Variants in ARL10 observed in about 807,000 individuals in gnomAD.
ARL10 encodes ADP-ribosylation factor-like protein 10.
In ARL10, 23 loss-of-function variants were observed where a neutral mutation model predicts 26.1. The observed-to-expected ratio is 0.88, with a 90% CI of 0.63 to 1.25. The LOEUF is 1.25. Among genes scored for constraint, ARL10 ranks in the 50% most tolerant of loss-of-function variants. The pLI, the probability that ARL10 is intolerant of heterozygous loss-of-function variation, is 0.00. For synonymous variants in ARL10, 138 were observed against 149.1 expected (o/e 0.93, Z 0.54); for missense variants, 300 against 323.6 (o/e 0.93, Z 0.56).
At chr5:176,371,264 A>G (rs922207084) in intron 3 of ARL10, among the ~76,000 whole-genome samples, 2 of 152,192 alleles carry the variant, frequency 1.3e-5, no homozygotes, top group Non-Finnish European at 1.5e-5. Context: ...AGTCCCAGCT[A>G]CTAGGGAGGC....
intron 1 of ARL10, among the ~76,000 whole-genome samples, chr5:176,394,519 A>C (rs904166642): frequency 1.3e-4 from 19 of 151,768 alleles, no homozygotes; most frequent in African/African-American, 3.9e-4. Context: ...TAAAAATACA[A>C]AAAATTAGCT....
intron 1 of ARL10, among the ~76,000 whole-genome samples, chr5:176,394,968 G>A (rs142611499): frequency 6.6e-6 from 1 of 152,090 alleles, no homozygotes; most frequent in Non-Finnish European, 1.5e-5. Context: ...CCCATCCCTT[G>A]CTGGAAGCCT....
chr5:176,386,341 T>C (rs1452549066), downstream of ARL10: 2 of 199,362 alleles, frequency 1.0e-5, no homozygotes, highest in East Asian at 1.2e-4. Flanking sequence ...CCTTTATCTT[T>C]AGGGGAGCTG....
Position 176,388,636 on chromosome 5 carries a change from G to A in ARL10, c.*138G>A, listed in dbSNP as rs1039769207. Reference sequence around the variant, plus strand: ...CCGGAAGGCGTGCACAAGGCTTTGCGGGCATTTGGGGAAATGTAGTCCTTT... The same window carrying A: ...CCGGAAGGCGTGCACAAGGCTTTGCAGGCATTTGGGGAAATGTAGTCCTTT... On this transcript the variant is annotated 3_prime_UTR_variant, in exon 2 of 2. Coordinates refer to the ARL10 transcript ENST00000503175. 12 of 1,354,928 alleles carry A rather than the reference G, an allele frequency of 8.9e-6. No individual in the cohort carries two copies. In the East Asian group the frequency reaches 1.6e-4, roughly 18 times the overall value. The allele number at this position is 1,354,928 out of a possible 1,614,324, so 83.9% of individuals were successfully genotyped here.
At chr5:176,397,806 C>T in intron 1 of ARL10, 1 of 1,501,712 alleles carries the variant, frequency 6.7e-7, no homozygotes, top group Non-Finnish European at 9.3e-7. Context: ...TGCCAGGCAG[C>T]CACAGGGCCG....
At chr5:176,382,812 G>T (rs1055558112), downstream of ARL10, among the ~76,000 whole-genome samples, 4 of 152,158 alleles carry the variant, frequency 2.6e-5, no homozygotes, top group African/African-American at 9.7e-5. Flanking sequence ...GGTAGGGAAG[G>T]CTTCCTAAAG....
downstream of ARL10, chr5:176,386,493 C>A: frequency 2.7e-6 from 1 of 373,166 alleles, no homozygotes. Context: ...GTCATTGGAA[C>A]ATTTATTGAG....
downstream of ARL10, among the ~76,000 whole-genome samples, chr5:176,382,613 C>A (rs1222907138): frequency 6.6e-6 from 1 of 152,200 alleles, no homozygotes; most frequent in Non-Finnish European, 1.5e-5. Context: ...CTATTACCAT[C>A]CCTCTGAAGA....
downstream of ARL10, chr5:176,392,959 T>A (rs1300998129): frequency 3.1e-6 from 5 of 1,613,866 alleles, no homozygotes; most frequent in Non-Finnish European, 4.2e-6. The surrounding 1 kb of genome is among the most constrained non-coding windows in gnomAD (Gnocchi z 5.2). Context: ...CGGGTGGAGA[T>A]AGGACGGGCT....
downstream of ARL10, chr5:176,381,927 A>G (rs1423411803): frequency 6.6e-6 from 1 of 152,222 alleles, no homozygotes; most frequent in Admixed American, 6.5e-5. Context: ...TGCTTTTATC[A>G]AGACCACTCT....
At chr5:176,388,165 C>G (rs1756038537) in intron 1 of ARL10, 1 of 1,201,328 alleles carries the variant, frequency 8.3e-7, no homozygotes, top group African/African-American at 1.5e-5. Context: ...GTACCACGTT[C>G]TGACACCTAG....
chr5:176,398,514 C>T (rs889352834), intron 1 of ARL10, among the ~76,000 whole-genome samples: 3 of 152,006 alleles, frequency 2.0e-5, no homozygotes, highest in African/African-American at 7.2e-5. Flanking sequence ...AGTTCAAGAC[C>T]AGCCTGACCA....
downstream of ARL10, chr5:176,384,489 C>T (rs572437865): frequency 1.6e-4 from 165 of 1,053,186 alleles, 3 homozygotes; most frequent in Middle Eastern, 2.0e-3. Flanking sequence ...GAATCCTGAC[C>T]TCAAAGGCTG....
rs770872981 is a variant in ARL10 at position 176,368,971 on chromosome 5, G to A, written c.550G>A (p.Ala184Thr). Residue 184 changes from alanine to threonine, a missense_variant, in exon 3 of 4, where the codon GCC becomes ACC. Ala to Thr is a moderately conservative substitution (Grantham distance 58). Transcript: ENST00000310389. The surrounding 1 kb of genome is among the most constrained non-coding windows in gnomAD (Gnocchi z 4.1). The part of the protein sequence containing the change: ...KDPDLPVVVV[A>T]NKQDLSEAMS... ...CCCTGACCTGCCTGTCGTCGTGGTG[G>A]CCAACAAGCAGGTGAGGGCTGTGAG... The A allele has an allele frequency of 6.2e-7, 1 of 1,613,922 alleles. No homozygotes were observed. Among genetic ancestry groups the A allele is most frequent in the Non-Finnish European group, 8.5e-7 (1 of 1,179,980 alleles).
chr5:176,371,600 GAACA>G (rs1768547922), intron 3 of ARL10, 118 bp from the exon 4 acceptor site: 2 of 631,558 alleles, frequency 3.2e-6, no homozygotes, highest in Non-Finnish European at 5.7e-6. Context: ...GATAGCCTAA[GAACA>G]GTGTGTTTCC....
the ARL10 span, among the ~76,000 whole-genome samples, chr5:176,414,984 A>G: frequency 6.6e-6 from 1 of 152,216 alleles, no homozygotes; most frequent in Non-Finnish European, 1.5e-5. Context: ...CTATATGTAT[A>G]TATGTTAGCA....
chr5:176,386,113 A>C (rs1655312840), downstream of ARL10: 1 of 153,428 alleles, frequency 6.5e-6, no homozygotes, highest in Non-Finnish European at 1.5e-5. Context: ...CAACAAAGTC[A>C]ATATCCTTTA....
intron 3 of ARL10, among the ~76,000 whole-genome samples, chr5:176,371,110 C>T (rs937969973): frequency 6.6e-6 from 1 of 152,202 alleles, no homozygotes; most frequent in South Asian, 2.1e-4. Context: ...CGTGGTGGCT[C>T]ATGCCTGTAA....
the ARL10 span, among the ~76,000 whole-genome samples, chr5:176,407,199 C>T: frequency 6.6e-6 from 1 of 152,180 alleles, no homozygotes; most frequent in Non-Finnish European, 1.5e-5. Flanking sequence ...ATGGGGTGCA[C>T]TCCAGAAGTG....
Sources: allele counts gnomAD v4.1 joint callset (sites outside exome capture counted in the v4.1 genomes callset), GRCh38; gene constraint gnomAD v4.1.1; non-coding constraint Gnocchi (gnomAD v3.1); transcripts MANE v1.5; gene names NCBI Gene and HGNC (gene_info 2026-07-23, HGNC 2026-07-21).